Variants in RAB9B observed in about 807,000 individuals in gnomAD.
RAB9B encodes ras-related protein Rab-9B.
A neutral mutation model predicts 8.9 loss-of-function variants in RAB9B; 1 was observed. The ratio of observed to expected loss-of-function variants is 0.11; its 90% CI spans 0.04 to 0.53. RAB9B has a LOEUF of 0.53. Ranked by LOEUF, RAB9B falls within the 20% of genes least tolerant of loss-of-function variation. The pLI is 0.93. For synonymous variants in RAB9B, 63 were observed against 57.0 expected (o/e 1.10, Z -0.47); for missense variants, 82 against 152.9 (o/e 0.54, Z 2.45).
At chrX:103,777,959 T>A in the RAB9B span, among the ~76,000 whole-genome samples, 1 of 112,401 alleles carries the variant, frequency 8.9e-6, no homozygotes, top group South Asian at 3.7e-4. Context: ...GTAGACAACA[T>A]CCACAGAGAT....
chrX:103,815,494 C>G, the RAB9B span, among the ~76,000 whole-genome samples: 1 of 112,288 alleles, frequency 8.9e-6, no homozygotes, highest in South Asian at 3.7e-4. Flanking sequence ...TGGGCAAAAA[C>G]AGGAAGCATT....
the RAB9B span, among the ~76,000 whole-genome samples, chrX:103,789,790 A>G: frequency 1.8e-5 from 2 of 111,890 alleles, no homozygotes; most frequent in Non-Finnish European, 3.8e-5. Context: ...CTGGAATTCT[A>G]TATACTATCA....
chrX:103,781,460 C>T, the RAB9B span, among the ~76,000 whole-genome samples: 7 of 111,999 alleles, frequency 6.3e-5, no homozygotes, highest in East Asian at 5.6e-4. Flanking sequence ...TGATCTTTTC[C>T]CTTTGCTTAC....
the RAB9B span, among the ~76,000 whole-genome samples, chrX:103,802,952 C>T: frequency 9.0e-6 from 1 of 111,711 alleles, no homozygotes; most frequent in East Asian, 2.8e-4. Context: ...GGCTTACTTC[C>T]TTTAACATAA....
the RAB9B span, among the ~76,000 whole-genome samples, chrX:103,809,313 C>CT: frequency 8.9e-6 from 1 of 111,840 alleles, no homozygotes; most frequent in African/African-American, 3.3e-5. Flanking sequence ...TTCTTTCTTT[C>CT]TTTTTTTATG....
chrX:103,794,370 A>C, the RAB9B span, among the ~76,000 whole-genome samples: 4 of 111,834 alleles, frequency 3.6e-5, no homozygotes, highest in African/African-American at 9.8e-5. Context: ...CTTGCCTTAC[A>C]TGTGACAGCA....
In RAB9B at chrX:103,822,331, G is replaced by C. The variant is rs1392498061; in HGVS notation, c.*2848C>G. 2.7e-5 allele frequency: 3 copies of C among 112,175 alleles called. No homozygotes were observed. In the South Asian group the frequency reaches 1.1e-3, roughly 41 times the overall value. 9.2% of individuals were successfully genotyped at this position (112,175 alleles called of 1,213,427 possible). On this transcript the variant is annotated 3_prime_UTR_variant, in exon 3 of 3. Transcript: ENST00000243298. ...GGAATAAACACAAACATTGTGTGCT[G>C]GTTATTCAAAATGCACTTTTTATTC...
At position 103,823,918 on chromosome X, in the gene RAB9B, A is replaced by G. The variant is rs963354403; in HGVS notation, c.*1261T>C. 4.5e-5 allele frequency: 5 copies of G among 112,341 alleles called. No individual in the cohort carries two copies. The highest frequency in any genetic ancestry group is 1.6e-4 in the African/African-American group (5 of 30,914). 9.3% of individuals were successfully genotyped at this position (112,341 alleles called of 1,213,427 possible). On this transcript the variant is annotated 3_prime_UTR_variant, in exon 3 of 3. Transcript: ENST00000243298. ...CTGTTATCATCAGATAAATCTAACC[A>G]CAGCATGGCACTGATGTAGTTTATA...
chrX:103,780,435 CTCTCTGTG>C, the RAB9B span, among the ~76,000 whole-genome samples: 2 of 68,341 alleles, frequency 2.9e-5, no homozygotes, highest in Admixed American at 1.6e-4. Flanking sequence ...CATTCTGTCT[CTCTCTGTG>C]TGTGTGTGTG....
chrX:103,819,251 G>A (rs1037484769), downstream of RAB9B, among the ~76,000 whole-genome samples: 2 of 111,908 alleles, frequency 1.8e-5, no homozygotes, highest in Admixed American at 9.5e-5. Flanking sequence ...TTAACTAGAT[G>A]TGGCACAGCT....
chrX:103,781,593 C>T, the RAB9B span, among the ~76,000 whole-genome samples: 106 of 112,532 alleles, frequency 9.4e-4, 1 homozygote, highest in African/African-American at 3.1e-3. Flanking sequence ...AAGAAAGGGA[C>T]TGGCCTTTTA....
At chrX:103,786,435 C>T in the RAB9B span, 2 of 1,200,405 alleles carry the variant, frequency 1.7e-6, no homozygotes, top group Non-Finnish European at 2.3e-6. Flanking sequence ...ATAAGATTCC[C>T]TGGTCTCGTT....
At chrX:103,789,357 A>G in the RAB9B span, 3 of 1,207,931 alleles carry the variant, frequency 2.5e-6, no homozygotes, top group African/African-American at 5.2e-5. Flanking sequence ...CCACCTGTTT[A>G]TTGCTGCATT....
the RAB9B span, among the ~76,000 whole-genome samples, chrX:103,815,713 C>G: frequency 8.9e-6 from 1 of 112,208 alleles, no homozygotes; most frequent in Non-Finnish European, 1.9e-5. Flanking sequence ...TCTTCTCAAG[C>G]TGATGAGCAA....
At chrX:103,816,116 T>C in the RAB9B span, among the ~76,000 whole-genome samples, 1 of 111,625 alleles carries the variant, frequency 9.0e-6, no homozygotes, top group Non-Finnish European at 1.9e-5. Flanking sequence ...AGAGCTCGCA[T>C]AGCCAAGACA....
chrX:103,810,474 G>A, the RAB9B span, among the ~76,000 whole-genome samples: 1 of 112,232 alleles, frequency 8.9e-6, no homozygotes, highest in Non-Finnish European at 1.9e-5. Flanking sequence ...CCAGGAATCT[G>A]CATTTTAACA....
chrX:103,796,145 T>C, the RAB9B span, among the ~76,000 whole-genome samples: 2 of 112,453 alleles, frequency 1.8e-5, no homozygotes, highest in South Asian at 7.4e-4. Context: ...AGTCATGCTT[T>C]ATGCCCTATT....
downstream of RAB9B, among the ~76,000 whole-genome samples, chrX:103,820,786 C>G (rs1191864458): frequency 5.4e-5 from 6 of 110,494 alleles, no homozygotes; most frequent in Non-Finnish European, 9.4e-5. Context: ...CCTGTCTCTA[C>G]AACAAATACA....
the RAB9B span, chrX:103,786,466 A>G: frequency 8.3e-7 from 1 of 1,208,526 alleles, no homozygotes; most frequent in Non-Finnish European, 1.1e-6. Context: ...TTAATGCAGG[A>G]TCCATGCCTT....
Sources: allele counts gnomAD v4.1 joint callset (sites outside exome capture counted in the v4.1 genomes callset), GRCh38; gene constraint gnomAD v4.1.1; transcripts MANE v1.5; gene names NCBI Gene and HGNC (gene_info 2026-07-23, HGNC 2026-07-21).